Variants in MOB3B observed in about 807,000 individuals in gnomAD.
MOB3B encodes the protein MOB kinase activator-like 2B.
Under a neutral mutation model 18.7 loss-of-function variants are expected in MOB3B, and 7 were observed. The ratio of observed to expected loss-of-function variants is 0.37; its 90% CI spans 0.21 to 0.70. The LOEUF (loss-of-function observed/expected upper bound fraction) is 0.70, where lower values mean the gene tolerates loss of function less well. Among genes scored for constraint, MOB3B ranks in the 30% least tolerant of loss-of-function variants. MOB3B has a pLI of 0.52. For synonymous variants in MOB3B, 111 were observed against 99.9 expected (o/e 1.11, Z -0.66); for missense variants, 253 against 281.3 (o/e 0.90, Z 0.72).
At chr9:27,409,065 G>A (rs750043945) in intron 2 of MOB3B, among the ~76,000 whole-genome samples, 12 of 152,318 alleles carry the variant, frequency 7.9e-5, no homozygotes, top group Middle Eastern at 3.4e-3. Context: ...TTGGCAGCTG[G>A]CACTGTCTTT....
At chr9:27,335,249 A>C (rs1820846559) in intron 3 of MOB3B, among the ~76,000 whole-genome samples, 1 of 152,248 alleles carries the variant, frequency 6.6e-6, no homozygotes, top group African/African-American at 2.4e-5. Context: ...ATCATCACAG[A>C]GTCATAGGCT....
intron 1 of MOB3B, among the ~76,000 whole-genome samples, chr9:27,474,750 A>G (rs1468981440): frequency 6.6e-6 from 1 of 152,264 alleles, no homozygotes; most frequent in African/African-American, 2.4e-5. Context: ...TCTCATCAAA[A>G]CAAACTTTGA....
chr9:27,407,511 C>A (rs560664311), intron 2 of MOB3B, among the ~76,000 whole-genome samples: 1 of 152,264 alleles, frequency 6.6e-6, no homozygotes, highest in East Asian at 1.9e-4. Context: ...AGAGCATGAA[C>A]CCCTGGGGCA....
At chr9:27,489,444 T>G (rs1325138783) in intron 1 of MOB3B, among the ~76,000 whole-genome samples, 3 of 152,216 alleles carry the variant, frequency 2.0e-5, no homozygotes, top group African/African-American at 7.2e-5. Context: ...TGGTGGGAGT[T>G]AACTCCCTCA....
At chr9:27,346,540 G>A (rs1443630601) in intron 3 of MOB3B, among the ~76,000 whole-genome samples, 1 of 152,174 alleles carries the variant, frequency 6.6e-6, no homozygotes, top group Non-Finnish European at 1.5e-5. Context: ...TTGGCTCATA[G>A]TTTTACTTAA....
intron 1 of MOB3B, among the ~76,000 whole-genome samples, chr9:27,500,713 A>G (rs1048513913): frequency 6.6e-5 from 10 of 152,224 alleles, no homozygotes; most frequent in African/African-American, 2.4e-4. Flanking sequence ...CTAAAACACC[A>G]AAAGCAATGG....
intron 3 of MOB3B, among the ~76,000 whole-genome samples, chr9:27,340,819 A>T (rs1019742618): frequency 9.2e-5 from 14 of 152,010 alleles, no homozygotes; most frequent in African/African-American, 3.1e-4. Flanking sequence ...CTCCTCTGTT[A>T]CCCAACTTCT....
chr9:27,410,753 CT>C (rs142171418), intron 2 of MOB3B, among the ~76,000 whole-genome samples: 5,824 of 151,436 alleles, frequency 0.038, 322 homozygotes, highest in African/African-American at 0.13. Context: ...GAAAGTTATT[CT>C]TTTTTTTTCT....
rs1244050256 is a variant in MOB3B, at chr9:27,378,224, AGTAGAAGAGTCTTT to A, written c.419-19002_419-18989del. ...ATTTCTCTTTCTGACCTACACAATG[AGTAGAAGAGTCTTT>A]GCTTCTAGACTGAAAAGACTGTGTG... is the stretch of plus-strand genomic sequence containing the variant. On this transcript the variant is annotated intron_variant, in intron 2 of 3. Coordinates refer to ENST00000262244, the MANE Select transcript of MOB3B (RefSeq NM_024761.5). 206 of 384,896 alleles carry A rather than the reference AGTAGAAGAGTCTTT, an allele frequency of 5.4e-4. 2 individuals are homozygous for A. The highest frequency in any genetic ancestry group is 4.8e-5 in the Non-Finnish European group (9 of 189,316). The allele number at this position is 384,896 out of a possible 1,614,324, so 23.8% of individuals were successfully genotyped here. A position where few individuals can be genotyped will look rare whatever the true frequency, so the allele number is the denominator to read the frequency against.
chr9:27,505,556 T>A (rs566880503), intron 1 of MOB3B, among the ~76,000 whole-genome samples: 1 of 152,324 alleles, frequency 6.6e-6, no homozygotes, highest in African/African-American at 2.4e-5. Flanking sequence ...TATTTTCACA[T>A]AAAATAAATT....
chr9:27,433,539 A>C (rs1004113135), intron 2 of MOB3B, among the ~76,000 whole-genome samples: 9 of 152,208 alleles, frequency 5.9e-5, no homozygotes, highest in Non-Finnish European at 7.3e-5. Flanking sequence ...TCTACCTTAA[A>C]AAGAGAATTC....
chr9:27,422,045 C>T (rs984831771), intron 2 of MOB3B, among the ~76,000 whole-genome samples: 1 of 152,166 alleles, frequency 6.6e-6, no homozygotes, highest in African/African-American at 2.4e-5. Flanking sequence ...CAAAACAGTG[C>T]CTGGAACCCA....
intron 2 of MOB3B, among the ~76,000 whole-genome samples, chr9:27,383,554 G>A (rs1160237269): frequency 6.6e-6 from 1 of 152,180 alleles, no homozygotes; most frequent in Non-Finnish European, 1.5e-5. Flanking sequence ...ATGGACTTGG[G>A]GTGGCTCCTG....
At chr9:27,526,316 A>G (rs1037420039) in intron 1 of MOB3B, 3 of 152,270 alleles carry the variant, frequency 2.0e-5, no homozygotes, top group Non-Finnish European at 2.9e-5. Context: ...GAAGGATCAG[A>G]CAATAAAATG....
At chr9:27,395,087 TG>T (rs1766864791) in intron 2 of MOB3B, among the ~76,000 whole-genome samples, 1 of 152,324 alleles carries the variant, frequency 6.6e-6, no homozygotes, top group African/African-American at 2.4e-5. Context: ...GTACTTTGTT[TG>T]GGGGGTGGAG....
At chr9:27,492,010 C>T (rs994179145) in intron 1 of MOB3B, among the ~76,000 whole-genome samples, 9 of 152,196 alleles carry the variant, frequency 5.9e-5, no homozygotes, top group Non-Finnish European at 8.8e-5. Flanking sequence ...TTACTCACTT[C>T]GCTGCTCAAA....
intron 2 of MOB3B, 142 bp from the exon 3 acceptor site, chr9:27,359,378 T>TTG (rs1554645302): frequency 1.2e-5 from 3 of 253,068 alleles, no homozygotes; most frequent in Non-Finnish European, 2.3e-5. Context: ...TGTGTGTGTG[T>TTG]GGGGGGGGGG....
chr9:27,385,674 T>C (rs540751973), intron 2 of MOB3B, among the ~76,000 whole-genome samples: 1 of 152,360 alleles, frequency 6.6e-6, no homozygotes, highest in South Asian at 2.1e-4. Flanking sequence ...GGAACGGGAC[T>C]CTTATTAATC....
intron 2 of MOB3B, among the ~76,000 whole-genome samples, chr9:27,390,246 C>G (rs756900601): frequency 6.6e-6 from 1 of 151,882 alleles, no homozygotes; most frequent in African/African-American, 2.4e-5. Context: ...TGCCACCACG[C>G]CTGGCTAATT....
Sources: gnomAD v4.1 joint callset for allele counts (sites outside exome capture counted in the v4.1 genomes callset) on GRCh38, gnomAD v4.1.1 for gene constraint, MANE v1.5 for transcripts, NCBI Gene and HGNC (gene_info 2026-07-23, HGNC 2026-07-21) for gene names.